Variants in COL19A1 observed in about 807,000 individuals in gnomAD.
The protein encoded by COL19A1 is collagen type XIX alpha 1 chain.
In COL19A1, 159 loss-of-function variants were observed where a neutral mutation model predicts 190.2. That is an observed-to-expected ratio of 0.84 (90% CI 0.73 to 0.95). The LOEUF is 0.95. COL19A1 is among the 40% of genes least tolerant of loss of function. The pLI is 0.00. For missense variants in COL19A1, 1,418 were observed against 1,431.9 expected (o/e 0.99, Z 0.16); for synonymous variants, 509 against 458.9 (o/e 1.11, Z -1.39).
chr6:69,975,131 G>C (rs779981796), intron 11 of COL19A1, among the ~76,000 whole-genome samples: 9 of 152,086 alleles, frequency 5.9e-5, no homozygotes, highest in Non-Finnish European at 1.3e-4. Context: ...TTCTTAAACT[G>C]TCTCCTAAAC....
At chr6:70,152,848 T>A (rs74811261) in intron 31 of COL19A1, among the ~76,000 whole-genome samples, 5,891 of 152,198 alleles carry the variant, frequency 0.039, 154 homozygotes, top group Non-Finnish European at 0.059. Context: ...TCTTTAAGGA[T>A]GAGAAACTTG....
chr6:69,999,131 G>A (rs2150082200), intron 11 of COL19A1, among the ~76,000 whole-genome samples: 1 of 151,794 alleles, frequency 6.6e-6, no homozygotes, highest in East Asian at 1.9e-4. Flanking sequence ...CACCATGTTG[G>A]TCAGGCTGGT....
chr6:70,143,878 T>C (rs1786427648), intron 23 of COL19A1, among the ~76,000 whole-genome samples: 1 of 151,820 alleles, frequency 6.6e-6, no homozygotes, highest in African/African-American at 2.4e-5. Flanking sequence ...AGTAAAAATA[T>C]ATTTTTCTAG....
chr6:70,132,054 A>C (rs1284037791), intron 18 of COL19A1, among the ~76,000 whole-genome samples: 1 of 152,194 alleles, frequency 6.6e-6, no homozygotes, highest in Non-Finnish European at 1.5e-5. Context: ...GAGACACATA[A>C]AAAAACTTTT....
chr6:69,921,516 A>ATATTCATATATATTCATG, intron 4 of COL19A1, among the ~76,000 whole-genome samples: 1 of 124,588 alleles, frequency 8.0e-6, no homozygotes, highest in Non-Finnish European at 1.7e-5. Context: ...ATTCATATGT[A>ATATTCATATATATTCATG]TATTCATATA....
At chr6:70,139,491 C>T (rs1222563174) in intron 19 of COL19A1, among the ~76,000 whole-genome samples, 2 of 152,002 alleles carry the variant, frequency 1.3e-5, no homozygotes, top group African/African-American at 2.4e-5. Context: ...TCCCACCACC[C>T]CATACATCTT....
At chr6:70,067,928 G>A (rs1208076143) in intron 14 of COL19A1, among the ~76,000 whole-genome samples, 2 of 151,858 alleles carry the variant, frequency 1.3e-5, no homozygotes, top group Non-Finnish European at 2.9e-5. Context: ...ATTATTACAA[G>A]AAAGCAGTAA....
chr6:70,062,049 CT>C (rs56953727), intron 14 of COL19A1, among the ~76,000 whole-genome samples: 8,110 of 151,236 alleles, frequency 0.054, 706 homozygotes, highest in African/African-American at 0.19. Context: ...GTTTTTTTCC[CT>C]TTTTTTTCCT....
chr6:69,974,836 G>A (rs866094161), intron 11 of COL19A1, among the ~76,000 whole-genome samples: 13 of 122,884 alleles, frequency 1.1e-4, no homozygotes, highest in Non-Finnish European at 1.6e-4. Flanking sequence ...TTTTTGAGAC[G>A]GAGTCTTGCT....
intron 14 of COL19A1, among the ~76,000 whole-genome samples, chr6:70,043,219 T>C (rs1462343148): frequency 4.1e-5 from 6 of 147,914 alleles, no homozygotes; most frequent in Non-Finnish European, 5.9e-5. Flanking sequence ...TGAGAAGGAG[T>C]CTCGCTCTGT....
Position 70,003,724 on chromosome 6 carries a change from T to A in COL19A1, c.1027-19903T>A, listed in dbSNP as rs1777425972. 2.6e-5 allele frequency among the ~76,000 whole-genome samples: 4 copies of A among 152,296 alleles called. 1 individual carries two copies. In the South Asian group the frequency reaches 8.3e-4, roughly 32 times the overall value. On this transcript the variant is annotated intron_variant, in intron 11 of 50. Transcript: ENST00000620364. Reference sequence around the variant, plus strand: ...TTCTTTTTGTTGCTTGCCATTTGCTTAGTAAATTTTCCTCCATCACTTTAT... The same window carrying A: ...TTCTTTTTGTTGCTTGCCATTTGCTAAGTAAATTTTCCTCCATCACTTTAT...
intron 4 of COL19A1, among the ~76,000 whole-genome samples, chr6:69,900,545 T>C (rs1292829377): frequency 6.6e-6 from 1 of 152,128 alleles, no homozygotes; most frequent in African/African-American, 2.4e-5. Context: ...ATCATTTATA[T>C]GTACAGAAAA....
intron 19 of COL19A1, 123 bp from the exon 20 acceptor site, chr6:70,140,831 G>T: frequency 2.4e-6 from 2 of 816,890 alleles, no homozygotes; most frequent in Non-Finnish European, 4.2e-6. Context: ...TGACACTCTG[G>T]GTATTTTTGG....
chr6:70,025,725 G>A (rs1562097152), intron 12 of COL19A1, among the ~76,000 whole-genome samples: 1 of 152,206 alleles, frequency 6.6e-6, no homozygotes, highest in African/African-American at 2.4e-5. Context: ...CATGTTTGGG[G>A]TAAGTTCCAA....
At chr6:70,066,004 C>A (rs535333746) in intron 14 of COL19A1, among the ~76,000 whole-genome samples, 2 of 152,190 alleles carry the variant, frequency 1.3e-5, no homozygotes, top group African/African-American at 4.8e-5. Context: ...GTTGGTGGGA[C>A]TGTAAACTAG....
Position 70,168,218 on chromosome 6 carries a change from A to G in COL19A1, c.2541+3A>G, listed in dbSNP as rs569515631. Reference sequence around the variant, plus strand: ...ACCCAGGGCCACCCGGTCCTCCTGTAAGTACAGTTGTTTATCATCAAACAC... The same window carrying G: ...ACCCAGGGCCACCCGGTCCTCCTGTGAGTACAGTTGTTTATCATCAAACAC... On this transcript the variant is annotated splice_donor_region_variant and intron_variant, in intron 39 of 50. Coordinates refer to ENST00000620364, the MANE Select transcript of COL19A1 (RefSeq NM_001858.6). 1 of 1,613,084 alleles carries G rather than the reference A, an allele frequency of 6.2e-7. No homozygotes were observed. Among genetic ancestry groups the G allele is most frequent in the East Asian group, 2.2e-5 (1 of 44,828 alleles).
intron 14 of COL19A1, among the ~76,000 whole-genome samples, chr6:70,038,868 C>T (rs16868465): frequency 0.027 from 4,076 of 152,150 alleles, 192 homozygotes; most frequent in African/African-American, 0.09. Context: ...TTCTCTGTCG[C>T]ATCCTGGCCA....
rs1483410265 is a variant in COL19A1, at chr6:70,210,044, T to C, written c.*2770T>C. ...AAACATGTGTTTATTTCCACATAGA[T>C]GTTAATGATGTTCAAAGCAGGGGAG... On this transcript the variant is annotated 3_prime_UTR_variant, in exon 51 of 51. Coordinates refer to ENST00000620364, the MANE Select transcript of COL19A1 (RefSeq NM_001858.6). 6.6e-6 allele frequency: 1 copy of C among 152,196 alleles called. No individual in the cohort carries two copies. The highest frequency in any genetic ancestry group is 2.4e-5 in the African/African-American group (1 of 41,464). 9.4% of individuals were successfully genotyped at this position (152,196 alleles called of 1,614,324 possible).
At chr6:70,155,579 T>C (rs1239502586) in intron 31 of COL19A1, among the ~76,000 whole-genome samples, 1 of 152,200 alleles carries the variant, frequency 6.6e-6, no homozygotes, top group African/African-American at 2.4e-5. Context: ...GAGTCAAGTT[T>C]ATGTCAGTCA....
Sources: allele counts gnomAD v4.1 joint callset (sites outside exome capture counted in the v4.1 genomes callset), GRCh38; gene constraint gnomAD v4.1.1; transcripts MANE v1.5; gene names NCBI Gene and HGNC (gene_info 2026-07-23, HGNC 2026-07-21).